Variants in VSTM1 observed in about 807,000 individuals in gnomAD.
VSTM1 encodes V-set and transmembrane domain-containing protein 1.
VSTM1 carries 27 observed loss-of-function variants against 33.1 expected under a neutral mutation model. That is an observed-to-expected ratio of 0.82 (90% confidence interval 0.60 to 1.12). The LOEUF is 1.12. VSTM1 is among the 50% of genes most tolerant of loss of function. The pLI is 0.00. For synonymous variants in VSTM1, 115 were observed against 110.3 expected (o/e 1.04, Z -0.27); for missense variants, 304 against 288.9 (o/e 1.05, Z -0.38).
At chr19:54,057,146 G>A (rs369298635) in intron 3 of VSTM1, among the ~76,000 whole-genome samples, 4 of 138,026 alleles carry the variant, frequency 2.9e-5, no homozygotes, top group South Asian at 2.6e-4. Context: ...ATGAGCCACC[G>A]CGCCGTGCCT....
Position 54,051,443 on chromosome 19 carries a change from G to GTT in VSTM1, c.359_360dup (p.His121AsnfsTer10). On this transcript the variant is annotated frameshift_variant, in exon 4 of 9. Transcript: ENST00000338372. LOFTEE classifies it high-confidence loss of function. The stretch of plus-strand genomic sequence containing the variant: ...ATTGAGGGAGCTTCAAGTTCATCGT[G>GTT]TTTATCTAGAAAATAGGAGGGAAGA... The GTT allele has an allele frequency of 6.3e-7, 1 of 1,593,892 alleles. No homozygotes were observed. The highest frequency in any genetic ancestry group is 8.5e-7 in the Non-Finnish European group (1 of 1,174,298).
chr19:54,050,415 A>G (rs187428514), intron 4 of VSTM1, among the ~76,000 whole-genome samples: 2 of 152,266 alleles, frequency 1.3e-5, no homozygotes, highest in South Asian at 2.1e-4. Flanking sequence ...TTTTAGAGTT[A>G]TAACAAACTC....
intron 4 of VSTM1, among the ~76,000 whole-genome samples, chr19:54,048,870 G>T (rs1481062958): frequency 6.6e-5 from 10 of 152,116 alleles, no homozygotes; most frequent in African/African-American, 2.4e-4. Context: ...GATCACCTGA[G>T]GTCAGGAGTT....
At chr19:54,046,702 A>C (rs2070609328) in intron 4 of VSTM1, among the ~76,000 whole-genome samples, 1 of 151,820 alleles carries the variant, frequency 6.6e-6, no homozygotes, top group Non-Finnish European at 1.5e-5. Flanking sequence ...GGAGAACTCC[A>C]AATGCCTTGG....
At chr19:54,045,622 C>G (rs1226960744) in intron 4 of VSTM1, among the ~76,000 whole-genome samples, 1 of 151,964 alleles carries the variant, frequency 6.6e-6, no homozygotes, top group East Asian at 1.9e-4. Flanking sequence ...TATCTATCAT[C>G]TATCATCTAT....
intron 1 of VSTM1, among the ~76,000 whole-genome samples, chr19:54,061,100 C>A (rs1344159286): frequency 6.7e-6 from 1 of 148,314 alleles, no homozygotes; most frequent in African/African-American, 2.5e-5. Flanking sequence ...TCACTGCAAC[C>A]TCTGCCTCCC....
At chr19:54,061,969 A>T (rs1291578070) in intron 1 of VSTM1, among the ~76,000 whole-genome samples, 1 of 152,164 alleles carries the variant, frequency 6.6e-6, no homozygotes, top group Non-Finnish European at 1.5e-5. Context: ...CAGCCTGGCC[A>T]ACGTGGTGAA....
At chr19:54,056,258 A>G (rs2071096725) in intron 3 of VSTM1, among the ~76,000 whole-genome samples, 1 of 82,748 alleles carries the variant, frequency 1.2e-5, no homozygotes, top group South Asian at 3.9e-4. Context: ...TTCTCATTCT[A>G]TCACCCAGGC....
intron 1 of VSTM1, among the ~76,000 whole-genome samples, chr19:54,063,409 G>A (rs895680634): frequency 5.4e-4 from 82 of 152,212 alleles, no homozygotes; most frequent in African/African-American, 1.9e-3. Context: ...TTTGCCCACA[G>A]CCTTGCACCC....
intron 7 of VSTM1, 39 bp from the exon 8 acceptor site, chr19:54,041,855 G>A (rs1453048116): frequency 2.5e-6 from 4 of 1,613,488 alleles, no homozygotes; most frequent in Admixed American, 1.7e-5. Context: ...GTTCTCAGCT[G>A]CAGAAGTCAG....
intron 1 of VSTM1, among the ~76,000 whole-genome samples, chr19:54,059,207 C>T (rs1365673627): frequency 6.6e-6 from 1 of 151,390 alleles, no homozygotes; most frequent in African/African-American, 2.4e-5. Context: ...ACTACAGGCA[C>T]CCGCCACCAC....
intron 4 of VSTM1, chr19:54,048,479 G>T (rs1164089802): frequency 2.4e-5 from 5 of 212,608 alleles, no homozygotes; most frequent in African/African-American, 7.1e-5. Flanking sequence ...TACATTTTAA[G>T]AAATTATATA....
intron 4 of VSTM1, among the ~76,000 whole-genome samples, chr19:54,042,806 G>GTATATATATATATATATGTATATA (rs2070361492): frequency 3.5e-5 from 2 of 57,934 alleles, no homozygotes; most frequent in African/African-American, 6.8e-5. Flanking sequence ...ATATAAATGT[G>GTATATATATATATATATGTATATA]TATATATATA....
At chr19:54,042,601 G>A (rs2070345544) in intron 4 of VSTM1, among the ~76,000 whole-genome samples, 1 of 151,628 alleles carries the variant, frequency 6.6e-6, no homozygotes, top group East Asian at 1.9e-4. Context: ...ATTGGATGGT[G>A]GGTCAGTACC....
chr19:54,060,892 T>C (rs1390848278), intron 1 of VSTM1, among the ~76,000 whole-genome samples: 1 of 152,070 alleles, frequency 6.6e-6, no homozygotes, highest in Non-Finnish European at 1.5e-5. Context: ...GGACTCACGA[T>C]GTTGCCCAGG....
intron 4 of VSTM1, among the ~76,000 whole-genome samples, chr19:54,042,806 G>GTATA (rs1203522841): frequency 0.028 from 1,628 of 57,536 alleles, 34 homozygotes; most frequent in East Asian, 0.054. Flanking sequence ...ATATAAATGT[G>GTATA]TATATATATA....
rs2070287587 is a variant in VSTM1, at chr19:54,041,800, A to G, written c.570T>C (p.Asn190=). 6.2e-7 allele frequency: 1 copy of G among 1,613,406 alleles called. No homozygotes were observed. The highest frequency in any genetic ancestry group is 8.5e-7 in the Non-Finnish European group (1 of 1,179,858). ...TCACCGAGAGAGATACCCTTTCCAT[A>G]TTGGATAAATCTGCCTCTGAGTGAG... The part of the protein sequence containing the change: ...EQEAAEADLS[N]MERVSLSTAD... The change falls in exon 8 of 9, where the codon AAT becomes AAC. Residue 190 remains asparagine (N), a synonymous_variant. Coordinates refer to ENST00000338372, the MANE Select transcript of VSTM1 (RefSeq NM_198481.4).
At chr19:54,057,144 C>T (rs2071137367) in intron 3 of VSTM1, among the ~76,000 whole-genome samples, 1 of 140,176 alleles carries the variant, frequency 7.1e-6, no homozygotes, top group East Asian at 2.1e-4. Flanking sequence ...GCATGAGCCA[C>T]CGCGCCGTGC....
chr19:54,052,981 C>CAAA lies in VSTM1; in HGVS notation c.356-1536_356-1534dup, dbSNP rs34017003. 82 of 50,322 alleles carry CAAA rather than the reference C, an allele frequency of 1.6e-3. 1 individual carries two copies. Among genetic ancestry groups the CAAA allele is most frequent in the South Asian group, 3.1e-3 (5 of 1,590 alleles). 3.1% of individuals were successfully genotyped at this position (50,322 alleles called of 1,614,324 possible). A position where few individuals can be genotyped will look rare whatever the true frequency, so the allele number is the denominator to read the frequency against. On this transcript the variant is annotated intron_variant, in intron 3 of 8. Coordinates refer to ENST00000338372, the MANE Select transcript of VSTM1 (RefSeq NM_198481.4). ...TGGGCAACCGAGTGGGACCCTGTCT[C>CAAA]AAAAAAAAAAAAAAAAAAAAAAGCA...
Sources: allele counts gnomAD v4.1 joint callset (sites outside exome capture counted in the v4.1 genomes callset), GRCh38; gene constraint gnomAD v4.1.1; transcripts MANE v1.5; gene names NCBI Gene and HGNC (gene_info 2026-07-23, HGNC 2026-07-21).